MAST4: variants seen among roughly 807,000 people sequenced by gnomAD.
MAST4 encodes microtubule-associated serine/threonine-protein kinase 4.
Under a neutral mutation model 162.7 loss-of-function variants are expected in MAST4, and 89 were observed. That is an observed-to-expected ratio of 0.55 (90% CI 0.46 to 0.65). The LOEUF is 0.65. MAST4 is among the 30% of genes least tolerant of loss of function. The pLI, the probability that MAST4 is intolerant of heterozygous loss-of-function variation, is 0.00. For synonymous variants in MAST4, 1,479 were observed against 1,361.1 expected, an observed-to-expected ratio of 1.09 and a Z score of -1.91; for missense variants, 3,153 against 3,374.0, an observed-to-expected ratio of 0.93 and a Z score of 1.62.
At chr5:67,099,610 T>C (rs868591478) in intron 7 of MAST4, among the ~76,000 whole-genome samples, 26 of 152,156 alleles carry the variant, frequency 1.7e-4, no homozygotes, top group Non-Finnish European at 4.4e-5. Flanking sequence ...TCTCTTTTAT[T>C]AGAATTACTT....
chr5:67,121,168 C>T, intron 14 of MAST4, 66 bp downstream of exon 14: 1 of 1,281,924 alleles, frequency 7.8e-7, no homozygotes, highest in East Asian at 2.5e-5. Context: ...TTATTCTTAA[C>T]ATTTATCTAA....
chr5:67,139,200 G>C (rs1223647773), intron 19 of MAST4, among the ~76,000 whole-genome samples: 1 of 152,178 alleles, frequency 6.6e-6, no homozygotes, highest in Non-Finnish European at 1.5e-5. Context: ...AATCCCGCAG[G>C]CCTGCCGTGC....
intron 1 of MAST4, among the ~76,000 whole-genome samples, chr5:66,691,705 C>G (rs926377808): frequency 2.0e-5 from 3 of 152,060 alleles, no homozygotes; most frequent in Admixed American, 6.6e-5. Flanking sequence ...CCTGAGATAG[C>G]TTTTATAAGG....
At chr5:66,673,523 G>T (rs570078429) in intron 1 of MAST4, among the ~76,000 whole-genome samples, 93 of 131,276 alleles carry the variant, frequency 7.1e-4, no homozygotes, top group East Asian at 3.9e-3. Context: ...TTTGTTTTTT[G>T]TTTTTTGTTT....
chr5:66,708,880 G>A (rs1254794736), intron 1 of MAST4, among the ~76,000 whole-genome samples: 1 of 152,168 alleles, frequency 6.6e-6, no homozygotes, highest in Admixed American at 6.5e-5. Context: ...AGCATTAAAT[G>A]CTAAAATTCC....
intron 1 of MAST4, among the ~76,000 whole-genome samples, chr5:66,624,962 G>A (rs6896879): frequency 0.22 from 32,950 of 152,078 alleles, 3,691 homozygotes; most frequent in African/African-American, 0.26. Context: ...TTTGGATATA[G>A]CAACAAAAGC....
In MAST4 at chr5:67,026,493, G is replaced by A. The variant is rs529050255; in HGVS notation, c.675-27911G>A. 1.4e-3 allele frequency among the ~76,000 whole-genome samples: 213 copies of A among 152,332 alleles called. 1 individual carries two copies. Among genetic ancestry groups the A allele is most frequent in the African/African-American group, 4.9e-3 (203 of 41,578 alleles). On this transcript the variant is annotated intron_variant, in intron 4 of 28. Transcript: ENST00000403625. ...TGATTTGTCTATCTGCTGGTGAAAT[G>A]TAATTCATGCAACCATCAGCAGAAT...
intron 3 of MAST4, among the ~76,000 whole-genome samples, chr5:66,879,043 G>T (rs1266165064): frequency 6.6e-6 from 1 of 152,214 alleles, no homozygotes; most frequent in Non-Finnish European, 1.5e-5. Flanking sequence ...ACTTTGGGAG[G>T]CCAAGGCTGG....
chr5:66,794,367 C>A (rs976956512), intron 3 of MAST4, among the ~76,000 whole-genome samples: 21 of 152,114 alleles, frequency 1.4e-4, no homozygotes, highest in Admixed American at 6.5e-5. Context: ...GTTGTAATAA[C>A]CTCAGAAGGT....
chr5:67,080,089 C>T (rs983170251), intron 5 of MAST4, among the ~76,000 whole-genome samples: 2 of 152,200 alleles, frequency 1.3e-5, no homozygotes, highest in African/African-American at 2.4e-5. Context: ...GAATACGAAG[C>T]TTTGGCTTCA....
At chr5:66,828,461 T>C (rs1361311705) in intron 3 of MAST4, among the ~76,000 whole-genome samples, 1 of 152,202 alleles carries the variant, frequency 6.6e-6, no homozygotes, top group Non-Finnish European at 1.5e-5. Context: ...TGTGACCTTA[T>C]AGTTGCTTCA....
intron 1 of MAST4, among the ~76,000 whole-genome samples, chr5:66,655,944 A>G (rs1746514639): frequency 6.6e-6 from 1 of 152,216 alleles, no homozygotes; most frequent in Non-Finnish European, 1.5e-5. Flanking sequence ...TTATTTTTTT[A>G]ACTTGGAAAA....
At chr5:66,861,259 C>T (rs1165919150) in intron 3 of MAST4, among the ~76,000 whole-genome samples, 3 of 152,056 alleles carry the variant, frequency 2.0e-5, no homozygotes, top group African/African-American at 7.2e-5. Flanking sequence ...CCTGTGAAAT[C>T]AATTATGAGG....
chr5:66,818,371 G>C (rs1431627583), intron 3 of MAST4, among the ~76,000 whole-genome samples: 3 of 151,866 alleles, frequency 2.0e-5, no homozygotes, highest in Non-Finnish European at 4.4e-5. Context: ...ATGGTATTTT[G>C]AGTATTGATG....
chr5:66,897,119 A>G (rs978840590), intron 3 of MAST4, among the ~76,000 whole-genome samples: 2 of 152,192 alleles, frequency 1.3e-5, no homozygotes, highest in Non-Finnish European at 2.9e-5. Flanking sequence ...AGTGTCAACA[A>G]TTAGCATATT....
chr5:66,840,342 A>C (rs1278256679), intron 3 of MAST4, among the ~76,000 whole-genome samples: 3 of 152,096 alleles, frequency 2.0e-5, no homozygotes, highest in Non-Finnish European at 4.4e-5. Flanking sequence ...ATGAAGGTAA[A>C]GATTGAATTA....
chr5:66,999,643 C>A (rs986965261), intron 4 of MAST4, among the ~76,000 whole-genome samples: 2 of 152,114 alleles, frequency 1.3e-5, no homozygotes, highest in East Asian at 3.9e-4. Flanking sequence ...TAGTTCTTTG[C>A]TCAACCCATC....
chr5:66,811,536 T>G (rs114048925), intron 3 of MAST4, among the ~76,000 whole-genome samples: 249 of 152,352 alleles, frequency 1.6e-3, no homozygotes, highest in African/African-American at 5.7e-3. Context: ...TCAAATAAAT[T>G]GGATGCATTT....
intron 4 of MAST4, among the ~76,000 whole-genome samples, chr5:67,007,644 G>A (rs2150341330): frequency 6.6e-6 from 1 of 152,296 alleles, no homozygotes; most frequent in Admixed American, 6.5e-5. Context: ...GAACTCATAA[G>A]GATAGAATGT....
Sources: allele counts gnomAD v4.1 joint callset (sites outside exome capture counted in the v4.1 genomes callset), GRCh38; gene constraint gnomAD v4.1.1; transcripts MANE v1.5; gene names NCBI Gene and HGNC (gene_info 2026-07-23, HGNC 2026-07-21).